ANKRD30A: variants seen among roughly 807,000 people sequenced by gnomAD.
The protein encoded by ANKRD30A is ankyrin repeat domain-containing protein 30A.
Under a neutral mutation model 166.3 loss-of-function variants are expected in ANKRD30A, and 170 were observed. The ratio of observed to expected loss-of-function variants is 1.02; its 90% CI spans 0.90 to 1.16. ANKRD30A has a LOEUF of 1.16. Ranked by LOEUF, ANKRD30A falls within the 50% of genes most tolerant of loss-of-function variation. ANKRD30A has a pLI of 0.00. For missense variants in ANKRD30A, 1,630 were observed against 1,518.0 expected (o/e 1.07, Z -1.23); for synonymous variants, 564 against 508.9 (o/e 1.11, Z -1.46).
intron 31 of ANKRD30A, among the ~76,000 whole-genome samples, chr10:37,205,441 G>A (rs1841930806): frequency 6.7e-6 from 1 of 148,636 alleles, no homozygotes; most frequent in African/African-American, 2.5e-5. Flanking sequence ...ACACACGGGG[G>A]CCTGTCATGG....
At chr10:37,220,020 TA>T (rs1842825549) in intron 34 of ANKRD30A, 123 bp downstream of exon 34, 1 of 140,324 alleles carries the variant, frequency 7.1e-6, no homozygotes, top group Non-Finnish European at 1.3e-5. Flanking sequence ...TATATATATA[TA>T]TATATATAAT....
chr10:37,214,755 T>G (rs1012269365), intron 31 of ANKRD30A, among the ~76,000 whole-genome samples: 2 of 151,370 alleles, frequency 1.3e-5, no homozygotes, highest in Admixed American at 6.6e-5. Context: ...ATATCATAGA[T>G]GGTATAAGAA....
chr10:37,225,945 C>T (rs1442497259), intron 34 of ANKRD30A, among the ~76,000 whole-genome samples: 1 of 151,666 alleles, frequency 6.6e-6, no homozygotes, highest in Non-Finnish European at 1.5e-5. Context: ...CATTCTTTGT[C>T]ACCTACCAGT....
intron 8 of ANKRD30A, among the ~76,000 whole-genome samples, chr10:37,145,857 G>A (rs1358684498): frequency 1.3e-5 from 2 of 152,274 alleles, no homozygotes; most frequent in Admixed American, 6.5e-5. Flanking sequence ...AGATCTGAAG[G>A]AACATTTCAG....
rs551041767 is a variant in ANKRD30A, at chr10:37,125,831, C to G, written c.44C>G (p.Pro15Arg). 2.5e-5 allele frequency: 25 copies of G among 990,102 alleles called. No individual in the cohort carries two copies. Among genetic ancestry groups the G allele is most frequent in the East Asian group, 2.3e-4 (9 of 38,612 alleles). The allele number at this position is 990,102 out of a possible 1,614,324, so 61.3% of individuals were successfully genotyped here. A position where few individuals can be genotyped will look rare whatever the true frequency, so the allele number is the denominator to read the frequency against. ...GCCGCTGTCAAGGTCGTGCCGGGCCCGGAGCGCCCGAGCCCTTTCAGCCAG... is the reference window on the plus strand; with the variant it reads ...GCCGCTGTCAAGGTCGTGCCGGGCCGGGAGCGCCCGAGCCCTTTCAGCCAG... ...SAAAVKVVPGPERPSPFSQLV... is the reference protein window; with the variant it reads ...SAAAVKVVPGRERPSPFSQLV... The change falls in exon 1 of 36, where the codon CCG (proline) becomes CGG (arginine). Residue 15 changes from proline (P) to arginine (R), a missense_variant. This residue lies in a region of ANKRD30A where 904 missense variants were observed against 818.5 expected (regional missense o/e 1.10). Coordinates refer to ENST00000361713, the MANE Select transcript of ANKRD30A (RefSeq NM_052997.3).
At chr10:37,144,879 A>G (rs1837388822) in intron 7 of ANKRD30A, 116 bp from the exon 8 acceptor site, 1 of 678,064 alleles carries the variant, frequency 1.5e-6, no homozygotes, top group African/African-American at 1.9e-5. Flanking sequence ...CCAATAGAAT[A>G]TACAGGCTAT....
At chr10:37,162,915 G>C in intron 17 of ANKRD30A, 67 bp downstream of exon 17, 1 of 1,545,972 alleles carries the variant, frequency 6.5e-7, no homozygotes, top group Non-Finnish European at 8.8e-7. Flanking sequence ...TGGTCTTTCT[G>C]TACCCAATGG....
At chr10:37,151,053 TTAGG>T in intron 11 of ANKRD30A, among the ~76,000 whole-genome samples, 1 of 124,340 alleles carries the variant, frequency 8.0e-6, no homozygotes. Flanking sequence ...AATGTGAACA[TTAGG>T]GATGCTAAGA....
chr10:37,182,991 A>G (rs1378833803), intron 24 of ANKRD30A, among the ~76,000 whole-genome samples: 7 of 150,944 alleles, frequency 4.6e-5, no homozygotes, highest in South Asian at 2.1e-4. Flanking sequence ...ACCCAATACA[A>G]TTAGCTCTGC....
intron 1 of ANKRD30A, among the ~76,000 whole-genome samples, chr10:37,128,026 A>G (rs1385798275): frequency 6.6e-6 from 1 of 152,088 alleles, no homozygotes; most frequent in Non-Finnish European, 1.5e-5. Context: ...CAGTGAGTTT[A>G]CAGCATGGGA....
At chr10:37,198,055 A>G (rs1443982065) in intron 29 of ANKRD30A, among the ~76,000 whole-genome samples, 1 of 152,026 alleles carries the variant, frequency 6.6e-6, no homozygotes, top group East Asian at 1.9e-4. Flanking sequence ...TTCTTTGTGA[A>G]TATTTGATAA....
At chr10:37,135,962 A>G (rs1836658664) in intron 5 of ANKRD30A, among the ~76,000 whole-genome samples, 1 of 152,120 alleles carries the variant, frequency 6.6e-6, no homozygotes, top group Admixed American at 6.5e-5. Context: ...TTTTTAAAAA[A>G]TTAATTTTTT....
chr10:37,152,108 C>A lies in ANKRD30A; in HGVS notation c.1694C>A (p.Ser565Tyr), dbSNP rs879174134. ...AAACAAAAGGACTATGAAGAAAATT[C>A]TTGGGATTCTGAGGTACTATGTGTT... ...ESKQKDYEEN[S>Y]WDSESLCETV... Residue 565 changes from serine to tyrosine, a missense_variant, in exon 12 of 36, where the codon TCT (serine) becomes TAT (tyrosine). By Grantham distance (144) the Ser-to-Tyr change is moderately radical (BLOSUM62 -2). Coordinates refer to ENST00000361713, the MANE Select transcript of ANKRD30A (RefSeq NM_052997.3). 13 of 1,608,102 alleles carry A rather than the reference C, an allele frequency of 8.1e-6. No homozygotes were observed. Among genetic ancestry groups the A allele is most frequent in the Non-Finnish European group, 1.1e-5 (13 of 1,176,388 alleles).
intron 7 of ANKRD30A, 80 bp from the exon 8 acceptor site, chr10:37,144,915 T>C (rs1837391533): frequency 9.2e-7 from 1 of 1,089,010 alleles, no homozygotes; most frequent in Non-Finnish European, 1.3e-6. Context: ...GATTCATGAA[T>C]GAAAATAGAT....
intron 34 of ANKRD30A, among the ~76,000 whole-genome samples, chr10:37,229,342 G>C (rs1843309921): frequency 6.6e-6 from 1 of 151,816 alleles, no homozygotes; most frequent in African/African-American, 2.4e-5. Flanking sequence ...TTTTTAATGA[G>C]ATGAATTGTT....
chr10:37,151,459 A>T (rs1247263602), intron 11 of ANKRD30A, among the ~76,000 whole-genome samples: 3 of 152,098 alleles, frequency 2.0e-5, no homozygotes, highest in Admixed American at 6.6e-5. Context: ...TAATTGAAGC[A>T]GTTGTTAATT....
At chr10:37,165,305 T>C (rs1839230452) in intron 18 of ANKRD30A, 150 bp downstream of exon 18, 1 of 786,456 alleles carries the variant, frequency 1.3e-6, no homozygotes, top group South Asian at 1.9e-5. Context: ...GGAGAATCTA[T>C]GTGCTAAGTA....
At chr10:37,213,681 T>A (rs1842462374) in intron 31 of ANKRD30A, among the ~76,000 whole-genome samples, 1 of 151,452 alleles carries the variant, frequency 6.6e-6, no homozygotes, top group Non-Finnish European at 1.5e-5. Flanking sequence ...TTTTACAATA[T>A]CTAATGTGTT....
chr10:37,237,974 A>G, the ANKRD30A span, among the ~76,000 whole-genome samples: 1 of 152,244 alleles, frequency 6.6e-6, no homozygotes, highest in African/African-American at 2.4e-5. Flanking sequence ...GGGACTTATA[A>G]AAAGTCATGT....
Sources: gnomAD v4.1 joint callset for allele counts (sites outside exome capture counted in the v4.1 genomes callset) on GRCh38, gnomAD v4.1.1 for gene constraint, gnomAD v4.1.1 regional missense constraint, MANE v1.5 for transcripts, NCBI Gene and HGNC (gene_info 2026-07-23, HGNC 2026-07-21) for gene names.